Variants in KCTD16 observed in about 807,000 individuals in gnomAD.
The protein encoded by KCTD16 is BTB/POZ domain-containing protein KCTD16.
In KCTD16, 13 loss-of-function variants were observed where a neutral mutation model predicts 33.2. That is an observed-to-expected ratio of 0.39 (90% confidence interval 0.25 to 0.62). KCTD16 has a LOEUF of 0.62. KCTD16 is among the 20% of genes least tolerant of loss of function. The pLI is 0.50. For synonymous variants in KCTD16, 197 were observed against 195.3 expected (o/e 1.01, Z -0.07); for missense variants, 441 against 525.1 (o/e 0.84, Z 1.57).
intron 3 of KCTD16, among the ~76,000 whole-genome samples, chr5:144,261,172 AAAAAAAAAAAAAG>A (rs1024752312): frequency 4.0e-5 from 6 of 150,642 alleles, no homozygotes; most frequent in African/African-American, 1.5e-4. Flanking sequence ...AACAACAAAA[AAAAAAAAAAAAAG>A]AAAAAAAAAA....
chr5:144,207,269 G>A lies in KCTD16; in HGVS notation c.555G>A (p.Lys185=). The A allele has an allele frequency of 6.2e-7, 1 of 1,614,238 alleles. No individual in the cohort carries two copies. Among genetic ancestry groups the A allele is most frequent in the Non-Finnish European group, 8.5e-7 (1 of 1,180,050 alleles). The part of the protein sequence containing the change: ...TLGREGQADA[K]FRRVPRILVC... Reference sequence around the variant, plus strand: ...GCAGAGAGGGACAGGCAGATGCCAAGTTTCGGAGAGTTCCCCGGATTTTGG... The same window carrying A: ...GCAGAGAGGGACAGGCAGATGCCAAATTTCGGAGAGTTCCCCGGATTTTGG... Residue 185 remains lysine (K), a synonymous_variant, in exon 3 of 4, where the codon AAG becomes AAA. Transcript: ENST00000512467.
rs533188120 is a variant in KCTD16, at chr5:144,303,015, C to T, written c.832+95469C>T. Among the ~76,000 whole-genome samples, 7 of 152,278 alleles carry T rather than the reference C, an allele frequency of 4.6e-5. No individual in the cohort carries two copies. In the East Asian group the frequency reaches 1.2e-3, roughly 25 times the overall value. On this transcript the variant is annotated intron_variant, in intron 3 of 3. Coordinates refer to ENST00000512467, the MANE Select transcript of KCTD16 (RefSeq NM_020768.4). ...TACAGGGAAATCTAATTACCTCTAT[C>T]GATCATTCATCCAGTCTTTCCTCTC...
chr5:144,386,585 C>T (rs1436519964), intron 3 of KCTD16, among the ~76,000 whole-genome samples: 4 of 152,136 alleles, frequency 2.6e-5, no homozygotes, highest in Middle Eastern at 3.2e-3. Context: ...TACATATTTA[C>T]TAAGTGAACA....
chr5:144,412,356 A>G (rs1285359546), intron 3 of KCTD16, among the ~76,000 whole-genome samples: 2 of 152,182 alleles, frequency 1.3e-5, no homozygotes, highest in Non-Finnish European at 2.9e-5. Flanking sequence ...AAGAAATGAA[A>G]TCCTGTCATT....
At chr5:144,329,813 C>T (rs1332294092) in intron 3 of KCTD16, among the ~76,000 whole-genome samples, 1 of 152,120 alleles carries the variant, frequency 6.6e-6, no homozygotes, top group Non-Finnish European at 1.5e-5. Context: ...AGTCCACCAA[C>T]CTTAGGAAGG....
At chr5:144,222,668 A>C (rs911572758) in intron 3 of KCTD16, among the ~76,000 whole-genome samples, 12 of 152,236 alleles carry the variant, frequency 7.9e-5, no homozygotes, top group African/African-American at 2.9e-4. Flanking sequence ...ATGTGGAGAA[A>C]TAGGAACACT....
chr5:144,342,535 T>C (rs1278504637), intron 3 of KCTD16, among the ~76,000 whole-genome samples: 4 of 152,212 alleles, frequency 2.6e-5, no homozygotes, highest in Admixed American at 2.6e-4. Flanking sequence ...CAGGGACAAT[T>C]TGACTTCCTC....
chr5:144,237,186 A>C (rs989011249), intron 3 of KCTD16, among the ~76,000 whole-genome samples: 9 of 152,148 alleles, frequency 5.9e-5, no homozygotes, highest in Admixed American at 4.6e-4. Flanking sequence ...TGCCAGTTAC[A>C]TGCCTCTATT....
intron 3 of KCTD16, among the ~76,000 whole-genome samples, chr5:144,463,387 C>A (rs547619862): frequency 1.3e-5 from 2 of 152,306 alleles, no homozygotes; most frequent in South Asian, 4.1e-4. Flanking sequence ...ATGTAGGTAT[C>A]AAAAGCAATC....
chr5:144,454,059 C>G (rs767552626), intron 3 of KCTD16, among the ~76,000 whole-genome samples: 15 of 152,182 alleles, frequency 9.9e-5, no homozygotes, highest in Middle Eastern at 3.4e-3. Flanking sequence ...AAGTTGACAC[C>G]ACATTTTTCT....
At position 144,474,202 on chromosome 5, in the gene KCTD16, C is replaced by A; in HGVS notation, c.*88C>A. The stretch of plus-strand genomic sequence containing the variant: ...ATTCATATTTTAAAGGAAAAAAATA[C>A]AACTAATGATGCACATTTCTTAGAA... On this transcript the variant is annotated 3_prime_UTR_variant, in exon 4 of 4. Coordinates refer to ENST00000512467, the MANE Select transcript of KCTD16 (RefSeq NM_020768.4). The A allele has an allele frequency of 1.0e-6, 1 of 1,002,872 alleles. No individual in the cohort carries two copies. Among genetic ancestry groups the A allele is most frequent in the Non-Finnish European group, 1.5e-6 (1 of 682,984 alleles). 62.1% of individuals were successfully genotyped at this position (1,002,872 alleles called of 1,614,324 possible).
intron 3 of KCTD16, among the ~76,000 whole-genome samples, chr5:144,459,917 C>T (rs534529859): frequency 1.1e-4 from 16 of 145,124 alleles, no homozygotes; most frequent in Admixed American, 2.8e-4. Flanking sequence ...CTGCAAGATC[C>T]GCCTCCCGGG....
intron 3 of KCTD16, among the ~76,000 whole-genome samples, chr5:144,343,294 G>C (rs1359027036): frequency 1.3e-5 from 2 of 151,726 alleles, no homozygotes; most frequent in Non-Finnish European, 2.9e-5. Flanking sequence ...ACTTCTTCCT[G>C]GTTTAGTCTT....
intron 3 of KCTD16, among the ~76,000 whole-genome samples, 186 bp downstream of exon 3, chr5:144,207,732 A>G (rs145199575): frequency 8.5e-5 from 13 of 152,340 alleles, no homozygotes; most frequent in Admixed American, 5.2e-4. Context: ...CTTTTATCCA[A>G]TGAGGTCACA....
chr5:144,451,647 C>A (rs1469448268), intron 3 of KCTD16, among the ~76,000 whole-genome samples: 3 of 152,084 alleles, frequency 2.0e-5, no homozygotes, highest in African/African-American at 7.2e-5. Context: ...AACAGAAACT[C>A]AGGCATTTTA....
rs140059043 is a variant in KCTD16 at position 144,445,736 on chromosome 5, C to CTT, written c.833-27915_833-27914dup. ...TCCTCTTCCTCATTTTGGCCTAGAC[C>CTT]TTTTTTTTTTGTTTCATTATGGTCT... On this transcript the variant is annotated intron_variant, in intron 3 of 3. Coordinates refer to ENST00000512467, the MANE Select transcript of KCTD16 (RefSeq NM_020768.4). 3.4e-5 allele frequency among the ~76,000 whole-genome samples: 5 copies of CTT among 147,146 alleles called. No individual in the cohort carries two copies. In the South Asian group the frequency reaches 8.6e-4, roughly 25 times the overall value.
chr5:144,219,529 T>A (rs1054358281), intron 3 of KCTD16, among the ~76,000 whole-genome samples: 1 of 144,326 alleles, frequency 6.9e-6, no homozygotes, highest in African/African-American at 2.6e-5. Context: ...TTTTTTTTTT[T>A]TTTTTTTTTG....
chr5:144,344,426 A>C (rs902418352), intron 3 of KCTD16, among the ~76,000 whole-genome samples: 1 of 146,760 alleles, frequency 6.8e-6, no homozygotes, highest in Non-Finnish European at 1.5e-5. Context: ...CAACCTACAA[A>C]ATGGGAGAAA....
intron 3 of KCTD16, among the ~76,000 whole-genome samples, chr5:144,347,252 A>G (rs962612963): frequency 2.6e-5 from 4 of 152,206 alleles, no homozygotes; most frequent in Non-Finnish European, 5.9e-5. Flanking sequence ...ACTAATGGCT[A>G]CTGTATTGGA....
Sources: allele counts gnomAD v4.1 joint callset (sites outside exome capture counted in the v4.1 genomes callset), GRCh38; gene constraint gnomAD v4.1.1; transcripts MANE v1.5; gene names NCBI Gene and HGNC (gene_info 2026-07-23, HGNC 2026-07-21).